PLA2G4A: variants seen among roughly 807,000 people sequenced by gnomAD.
PLA2G4A encodes phospholipase A2 group IVA.
In PLA2G4A, 40 loss-of-function variants were observed where a neutral mutation model predicts 81.9. That is an observed-to-expected ratio of 0.49 (90% CI 0.38 to 0.64). PLA2G4A has a LOEUF of 0.64. Ranked by LOEUF, PLA2G4A falls within the 30% of genes least tolerant of loss-of-function variation. The pLI, the probability that PLA2G4A is intolerant of heterozygous loss-of-function variation, is 0.00. For missense variants in PLA2G4A, 715 were observed against 905.1 expected (o/e 0.79, Z 2.69); for synonymous variants, 302 against 296.9 (o/e 1.02, Z -0.18).
intron 15 of PLA2G4A, among the ~76,000 whole-genome samples, chr1:186,968,681 C>G (rs377588416): frequency 4.6e-5 from 7 of 151,544 alleles, no homozygotes; most frequent in Non-Finnish European, 1.0e-4. Context: ...ATCTTGCCAC[C>G]TTTTTCTGTA....
intron 7 of PLA2G4A, among the ~76,000 whole-genome samples, chr1:186,930,941 A>C (rs1571412707): frequency 6.6e-6 from 1 of 152,114 alleles, no homozygotes; most frequent in African/African-American, 2.4e-5. Flanking sequence ...TATTGTTATC[A>C]TTATTGTTAT....
intron 1 of PLA2G4A, among the ~76,000 whole-genome samples, chr1:186,842,043 CTTTTT>C (rs34496849): frequency 8.6e-6 from 1 of 116,278 alleles, no homozygotes; most frequent in Non-Finnish European, 1.8e-5. Context: ...CATATCATAT[CTTTTT>C]TTTTTTTTTT....
chr1:186,899,365 G>T (rs1447959478), intron 5 of PLA2G4A, among the ~76,000 whole-genome samples: 4 of 152,126 alleles, frequency 2.6e-5, no homozygotes, highest in Non-Finnish European at 4.4e-5. Flanking sequence ...GACAGGGCTG[G>T]GGGAGCAGGA....
intron 15 of PLA2G4A, among the ~76,000 whole-genome samples, chr1:186,966,693 C>T (rs1279320607): frequency 6.6e-6 from 1 of 152,154 alleles, no homozygotes; most frequent in African/African-American, 2.4e-5. Flanking sequence ...TTTGTTCCCT[C>T]TGCCTGGAAT....
At chr1:186,865,101 T>C (rs1652977752) in intron 2 of PLA2G4A, among the ~76,000 whole-genome samples, 1 of 148,536 alleles carries the variant, frequency 6.7e-6, no homozygotes, top group South Asian at 2.1e-4. Context: ...CATATATATA[T>C]ATATAAAATA....
At chr1:186,846,514 TC>T (rs1652180991) in intron 1 of PLA2G4A, among the ~76,000 whole-genome samples, 1 of 152,174 alleles carries the variant, frequency 6.6e-6, no homozygotes, top group Non-Finnish European at 1.5e-5. Context: ...CATTTAGCTT[TC>T]CCTAGTGTGA....
chr1:186,848,649 G>T (rs1307088534), intron 1 of PLA2G4A, among the ~76,000 whole-genome samples: 4 of 152,028 alleles, frequency 2.6e-5, no homozygotes, highest in African/African-American at 9.7e-5. Context: ...AGACAAAGTT[G>T]CTTTGAGATT....
At chr1:186,960,175 C>T (rs1229311828) in intron 14 of PLA2G4A, among the ~76,000 whole-genome samples, 2 of 152,162 alleles carry the variant, frequency 1.3e-5, no homozygotes, top group Middle Eastern at 3.4e-3. Flanking sequence ...TTTTGGAGAG[C>T]TTTTTATTAG....
At chr1:186,970,308 C>T (rs1175991070) in intron 15 of PLA2G4A, among the ~76,000 whole-genome samples, 1 of 152,018 alleles carries the variant, frequency 6.6e-6, no homozygotes, top group Admixed American at 6.6e-5. Context: ...GTGTATTAAT[C>T]CCTTGTCAGA....
intron 2 of PLA2G4A, among the ~76,000 whole-genome samples, chr1:186,866,863 A>C (rs10752979): frequency 3.3e-5 from 5 of 152,000 alleles, no homozygotes; most frequent in Admixed American, 3.3e-4. Context: ...GCATTTTCTC[A>C]TTGTATTTCA....
Position 186,932,907 on chromosome 1 carries a change from T to C in PLA2G4A, c.695+8T>C, listed in dbSNP as rs1557880501. 6.3e-7 allele frequency: 1 copy of C among 1,599,824 alleles called. No homozygotes were observed. Among genetic ancestry groups the C allele is most frequent in the Non-Finnish European group, 8.6e-7 (1 of 1,167,232 alleles). On this transcript the variant is annotated splice_region_variant and intron_variant, in intron 8 of 17. Transcript: ENST00000367466. ...TCTTTCTGGCTCCACCTGGTTAGTATACATTTTTAATTTTAGTTTTATAAC... is the reference window on the plus strand; with the variant it reads ...TCTTTCTGGCTCCACCTGGTTAGTACACATTTTTAATTTTAGTTTTATAAC...
intron 6 of PLA2G4A, among the ~76,000 whole-genome samples, chr1:186,907,840 A>G (rs982922515): frequency 1.3e-5 from 2 of 152,244 alleles, no homozygotes; most frequent in African/African-American, 2.4e-5. Flanking sequence ...ACCTGTTAAT[A>G]TAAGTCAGCA....
At position 186,892,997 on chromosome 1, in the gene PLA2G4A, T is replaced by C. The variant is rs763905376; in HGVS notation, c.116-14T>C. On this transcript the variant is annotated splice_polypyrimidine_tract_variant and intron_variant, in intron 3 of 17. Transcript: ENST00000367466. ...CATTTCTACCTCCTTCTTGTTTGTGTTTACTATCTGTAGTTGATACTCCAG... is the reference window on the plus strand; with the variant it reads ...CATTTCTACCTCCTTCTTGTTTGTGCTTACTATCTGTAGTTGATACTCCAG... 1.3e-6 allele frequency: 2 copies of C among 1,595,726 alleles called. No homozygotes were observed. The highest frequency in any genetic ancestry group is 2.7e-5 in the African/African-American group (2 of 74,548).
intron 17 of PLA2G4A, 47 bp downstream of exon 17, chr1:186,979,519 C>T (rs142699319): frequency 1.7e-5 from 20 of 1,161,384 alleles, no homozygotes; most frequent in African/African-American, 1.1e-4. Context: ...ACTTCCATAC[C>T]GTATAAATAC....
chr1:186,893,452 T>C (rs867104133), intron 4 of PLA2G4A, among the ~76,000 whole-genome samples: 17 of 152,322 alleles, frequency 1.1e-4, no homozygotes, highest in African/African-American at 3.8e-4. Flanking sequence ...ATATTTTAAA[T>C]TGCCTTTTTA....
Position 186,981,918 on chromosome 1 carries a change from C to T in PLA2G4A, c.2118+2446C>T, listed in dbSNP as rs7520075. Among the ~76,000 whole-genome samples the T allele has an allele frequency of 3.5e-3, 536 of 152,160 alleles. 3 individuals are homozygous for T. The highest frequency in any genetic ancestry group is 6.0e-3 in the Non-Finnish European group (407 of 68,002). ...AACATTAAGAAAACATGACATTGTCCAAGGACAGACAGTAGCACTAAATAA... is the reference window on the plus strand; with the variant it reads ...AACATTAAGAAAACATGACATTGTCTAAGGACAGACAGTAGCACTAAATAA... On this transcript the variant is annotated intron_variant, in intron 17 of 17. Transcript: ENST00000367466.
At chr1:186,876,141 T>A (rs564065134) in intron 3 of PLA2G4A, among the ~76,000 whole-genome samples, 1 of 152,242 alleles carries the variant, frequency 6.6e-6, no homozygotes, top group South Asian at 2.1e-4. Context: ...ACAGTTCTGA[T>A]GTGGGCCTTG....
chr1:186,889,482 G>A (rs1654057626), intron 3 of PLA2G4A, among the ~76,000 whole-genome samples: 1 of 152,146 alleles, frequency 6.6e-6, no homozygotes, highest in Non-Finnish European at 1.5e-5. Context: ...GTCCAAGCCG[G>A]AAAATTAAAG....
At chr1:186,941,114 A>AAG (rs1453732580) in intron 10 of PLA2G4A, among the ~76,000 whole-genome samples, 2 of 147,470 alleles carry the variant, frequency 1.4e-5, no homozygotes, top group Admixed American at 1.3e-4. Flanking sequence ...CTCCGTCTCA[A>AAG]AAAAAAAAAA....
Sources: allele counts gnomAD v4.1 joint callset (sites outside exome capture counted in the v4.1 genomes callset), GRCh38; gene constraint gnomAD v4.1.1; transcripts MANE v1.5; gene names NCBI Gene and HGNC (gene_info 2026-07-23, HGNC 2026-07-21).